The following MCM9 variants were observed in gnomAD, a reference collection of about 807,000 sequenced individuals.
MCM9 encodes minichromosome maintenance 9 homologous recombination repair factor, also known as DNA helicase MCM9.
MCM9 carries 55 observed loss-of-function variants against 72.8 expected under a neutral mutation model. That is an observed-to-expected ratio of 0.76 (90% CI 0.61 to 0.95). The LOEUF is 0.95. Ranked by LOEUF, MCM9 falls within the 40% of genes least tolerant of loss-of-function variation. The probability of loss-of-function intolerance (pLI) is 0.00; values close to 1 mark genes in which losing one functional copy is unlikely to be tolerated. For synonymous variants in MCM9, 480 were observed against 503.4 expected, an observed-to-expected ratio of 0.95 and a Z score of 0.62; for missense variants, 1,279 against 1,377.0, an observed-to-expected ratio of 0.93 and a Z score of 1.13.
chr6:118,911,159 A>G, intron 8 of MCM9: 1 of 985,458 alleles, frequency 1.0e-6, no homozygotes, highest in Non-Finnish European at 1.2e-6. Flanking sequence ...ACAACTTATG[A>G]ATGAAGCTCC....
At chr6:118,858,361 C>T (rs1690199719) in intron 8 of MCM9, among the ~76,000 whole-genome samples, 1 of 151,742 alleles carries the variant, frequency 6.6e-6, no homozygotes, top group Non-Finnish European at 1.5e-5. Context: ...AGAACTTCTT[C>T]AACTTGATAA....
At chr6:118,928,623 G>A (rs557573114) in intron 3 of MCM9, among the ~76,000 whole-genome samples, 1 of 151,640 alleles carries the variant, frequency 6.6e-6, no homozygotes, top group East Asian at 1.9e-4. Context: ...TGAAGCAGAA[G>A]GATCACTTGA....
chr6:118,817,358 A>C (rs111491495), intron 13 of MCM9, among the ~76,000 whole-genome samples: 144,396 of 151,582 alleles, frequency 0.95, 69,015 homozygotes, highest in East Asian at 0.99. Flanking sequence ...CTCATTGTTC[A>C]ATTCCCACTT....
intron 13 of MCM9, among the ~76,000 whole-genome samples, chr6:118,817,776 T>C (rs546239012): frequency 6.6e-6 from 1 of 152,246 alleles, no homozygotes; most frequent in Non-Finnish European, 1.5e-5. Flanking sequence ...GCATTCCTAT[T>C]TCTCCACAGC....
intron 8 of MCM9, 59 bp from the exon 9 acceptor site, chr6:118,856,604 C>A: frequency 6.6e-7 from 1 of 1,505,190 alleles, no homozygotes; most frequent in Non-Finnish European, 8.9e-7. Flanking sequence ...CTTGACTGGG[C>A]GCAGTGGCTC....
At position 118,931,564 on chromosome 6, in the gene MCM9, T is replaced by C. The variant is rs1372265298; in HGVS notation, c.160A>G (p.Ile54Val). ...AMTLFETNME[I>V]GEYFNMFPSE... ...GGGAACATGTTGAAATATTCCCCGATTTCCATGTTGGTCTCAAACAGAGTC... is the reference window on the plus strand; with the variant it reads ...GGGAACATGTTGAAATATTCCCCGACTTCCATGTTGGTCTCAAACAGAGTC... Residue 54 changes from isoleucine (I) to valine (V), a missense_variant, in exon 3 of 14, where the codon ATC becomes GTC. Transcript: ENST00000619706. 1 of 1,614,056 alleles carries C rather than the reference T, an allele frequency of 6.2e-7. No homozygotes were observed. Among genetic ancestry groups the C allele is most frequent in the African/African-American group, 1.3e-5 (1 of 74,930 alleles).
chr6:118,843,720 G>GTATATATGTATATATATATGTA, intron 9 of MCM9, among the ~76,000 whole-genome samples: 1 of 101,994 alleles, frequency 9.8e-6, no homozygotes, highest in African/African-American at 4.5e-5. Context: ...ATATATATAT[G>GTATATATGTATATATATATGTA]TATATATATA....
At chr6:118,931,850 CAAAAT>C (rs1782467621) in intron 2 of MCM9, 112 bp from the exon 3 acceptor site, 1 of 735,112 alleles carries the variant, frequency 1.4e-6, no homozygotes, top group Non-Finnish European at 2.2e-6. Context: ...ACTATAATCA[CAAAAT>C]AATATCTGAA....
chr6:118,931,278 C>G (rs1262672109), intron 3 of MCM9, 142 bp downstream of exon 3: 1 of 727,370 alleles, frequency 1.4e-6, no homozygotes, highest in Non-Finnish European at 2.2e-6. Context: ...TTATTCTGCT[C>G]TAAAAGAAGT....
At chr6:118,884,864 A>G (rs182300655) in intron 8 of MCM9, among the ~76,000 whole-genome samples, 79 of 152,342 alleles carry the variant, frequency 5.2e-4, no homozygotes, top group African/African-American at 1.9e-3. Context: ...ACTCATAAGG[A>G]TAATAAAACT....
rs1776557441 is a variant in MCM9, at chr6:118,856,461, C to A, written c.1235G>T (p.Cys412Phe). 6.5e-7 allele frequency: 1 copy of A among 1,535,592 alleles called. No homozygotes were observed. Among genetic ancestry groups the A allele is most frequent in the Admixed American group, 2.0e-5 (1 of 50,982 alleles). ...ALVLADAGLC[C>F]IDEFNSLKEH... ...TTTGAGGCTATTGAACTCATCAATA[C>A]AGCAAAGGCCCGCATCTGCAAGAAC... The change falls in exon 9 of 14, where the codon TGT (cysteine) becomes TTT (phenylalanine). Residue 412 changes from cysteine to phenylalanine, a missense_variant. By Grantham distance (205) the Cys-to-Phe change is radical (BLOSUM62 -2). Coordinates refer to ENST00000619706, the MANE Select transcript of MCM9 (RefSeq NM_017696.3).
intron 8 of MCM9, among the ~76,000 whole-genome samples, chr6:118,871,858 G>A (rs1777620115): frequency 1.3e-5 from 2 of 152,162 alleles, no homozygotes; most frequent in South Asian, 4.2e-4. Context: ...AGTCAGCAGA[G>A]ATCGCACCAC....
intron 13 of MCM9, among the ~76,000 whole-genome samples, chr6:118,819,164 G>C (rs1181208241): frequency 3.9e-5 from 6 of 152,168 alleles, no homozygotes; most frequent in Non-Finnish European, 8.8e-5. Flanking sequence ...ATGTTGACTA[G>C]GAGTGGTGAG....
At position 118,826,164 on chromosome 6, in the gene MCM9, C is replaced by A; in HGVS notation, c.1944G>T (p.Glu648Asp). 1 of 1,550,178 alleles carries A rather than the reference C, an allele frequency of 6.5e-7. No individual in the cohort carries two copies. Among genetic ancestry groups the A allele is most frequent in the Non-Finnish European group, 8.7e-7 (1 of 1,146,804 alleles). Residue 648 changes from glutamate (E) to aspartate (D), a missense_variant, in exon 13 of 14, where the codon GAG (glutamate) becomes GAT (aspartate). Coordinates refer to ENST00000619706, the MANE Select transcript of MCM9 (RefSeq NM_017696.3). ...TTCCTCACCTTTCAAGTCTTCTAAG[C>A]TCTTCACTCAAGAGGCTCTGCAGCT... ...KLELQSLLSE[E>D]LRRLERLQNQ...
At chr6:118,897,490 T>C (rs934038147) in intron 8 of MCM9, among the ~76,000 whole-genome samples, 7 of 152,090 alleles carry the variant, frequency 4.6e-5, no homozygotes, top group Non-Finnish European at 1.0e-4. Context: ...TGAATACTTA[T>C]AATATACCAG....
chr6:118,850,505 AT>A, intron 9 of MCM9, among the ~76,000 whole-genome samples: 1 of 152,032 alleles, frequency 6.6e-6, no homozygotes, highest in Admixed American at 6.5e-5. Flanking sequence ...CACCCACAAT[AT>A]TAAAAAAGTA....
At chr6:118,903,248 G>A (rs1422703552) in intron 8 of MCM9, among the ~76,000 whole-genome samples, 1 of 152,094 alleles carries the variant, frequency 6.6e-6, no homozygotes. Flanking sequence ...ATTAGAATCC[G>A]TTTGGGTACA....
chr6:118,867,860 A>G (rs900389227), intron 8 of MCM9, among the ~76,000 whole-genome samples: 2 of 146,368 alleles, frequency 1.4e-5, no homozygotes, highest in African/African-American at 5.0e-5. Flanking sequence ...TAAATTAATT[A>G]TATTTCTTTT....
intron 9 of MCM9, among the ~76,000 whole-genome samples, chr6:118,838,000 G>A (rs1236628500): frequency 6.6e-6 from 1 of 152,156 alleles, no homozygotes; most frequent in Admixed American, 6.5e-5. Context: ...GCTGGTACCA[G>A]TTTTTCCTTT....
Sources: gnomAD v4.1 joint callset for allele counts (sites outside exome capture counted in the v4.1 genomes callset) on GRCh38, gnomAD v4.1.1 for gene constraint, MANE v1.5 for transcripts, NCBI Gene and HGNC (gene_info 2026-07-23, HGNC 2026-07-21) for gene names.